DLG2: variants seen among roughly 807,000 people sequenced by gnomAD.
DLG2 encodes the protein disks large homolog 2.
Under a neutral mutation model 132.5 loss-of-function variants are expected in DLG2, and 45 were observed. The observed-to-expected ratio is 0.34, with a 90% confidence interval of 0.27 to 0.44. The LOEUF (loss-of-function observed/expected upper bound fraction) is 0.44, where lower values mean the gene tolerates loss of function less well. Ranked by LOEUF, DLG2 falls within the 20% of genes least tolerant of loss-of-function variation. The pLI is 1.00. For synonymous variants in DLG2, 424 were observed against 419.6 expected (o/e 1.01, Z -0.13); for missense variants, 1,045 against 1,196.9 (o/e 0.87, Z 1.87).
In DLG2 at chr11:84,548,151, A is replaced by G. The variant is rs1412069804; in HGVS notation, c.358-13420T>C. Among the ~76,000 whole-genome samples the G allele has an allele frequency of 2.0e-5, 3 of 152,204 alleles. No individual in the cohort carries two copies. The East Asian group carries it at 5.8e-4, about 29-fold the overall frequency. Reference sequence around the variant, plus strand: ...GGCTTCCTGGAGTAAAAGAGTTGACAGAAAGAAAAACAGTAACATGCAGAG... The same window carrying G: ...GGCTTCCTGGAGTAAAAGAGTTGACGGAAAGAAAAACAGTAACATGCAGAG... On this transcript the variant is annotated intron_variant, in intron 6 of 27. Coordinates refer to ENST00000376104, the MANE Select transcript of DLG2 (RefSeq NM_001142699.3).
At chr11:83,872,460 T>C (rs1313384717) in intron 16 of DLG2, among the ~76,000 whole-genome samples, 2 of 152,216 alleles carry the variant, frequency 1.3e-5, no homozygotes, top group Non-Finnish European at 1.5e-5. Context: ...TAAGGCAAAT[T>C]GCTTTATGCT....
chr11:84,585,371 G>A (rs973634638), intron 6 of DLG2, among the ~76,000 whole-genome samples: 11 of 152,088 alleles, frequency 7.2e-5, no homozygotes, highest in South Asian at 2.1e-4. Flanking sequence ...TTGTTTAGCC[G>A]ATATGCTTAT....
intron 11 of DLG2, among the ~76,000 whole-genome samples, chr11:83,999,868 G>A (rs961155691): frequency 1.3e-5 from 2 of 151,420 alleles, no homozygotes; most frequent in Admixed American, 6.6e-5. Flanking sequence ...CAGGAAAAAA[G>A]TAATCCCCTA....
intron 3 of DLG2, among the ~76,000 whole-genome samples, chr11:85,409,094 T>C (rs1389384557): frequency 6.6e-6 from 1 of 151,974 alleles, no homozygotes; most frequent in Admixed American, 6.6e-5. Flanking sequence ...CAGCAGTTAT[T>C]GGTTAAGACA....
At chr11:85,065,592 G>T (rs1426112966) in intron 6 of DLG2, among the ~76,000 whole-genome samples, 1 of 150,064 alleles carries the variant, frequency 6.7e-6, no homozygotes, top group Non-Finnish European at 1.5e-5. Flanking sequence ...TTAAGTTCTG[G>T]GATAAAATAA....
rs2075636740 is a variant in DLG2 at position 85,237,272 on chromosome 11, G to T, written c.186+47948C>A. ...TATTTGCTAAATGGCAAAAAGGAGG[G>T]TGGAAATTAAAATTGTTTTCTGGTA... On this transcript the variant is annotated intron_variant, in intron 4 of 27. Transcript: ENST00000376104. 1.3e-5 allele frequency among the ~76,000 whole-genome samples: 2 copies of T among 152,058 alleles called. 1 individual carries two copies. Among genetic ancestry groups the T allele is most frequent in the South Asian group, 4.1e-4 (2 of 4,826 alleles).
At chr11:83,485,708 G>C (rs2093456560) in intron 21 of DLG2, among the ~76,000 whole-genome samples, 1 of 152,176 alleles carries the variant, frequency 6.6e-6, no homozygotes, top group South Asian at 2.1e-4. Flanking sequence ...AATGAGTCCT[G>C]TGCCCTTATG....
intron 4 of DLG2, among the ~76,000 whole-genome samples, chr11:85,273,673 C>T (rs537520884): frequency 1.8e-3 from 278 of 152,328 alleles, no homozygotes; most frequent in African/African-American, 6.5e-3. Context: ...TAAACTAGTT[C>T]AACCATTGTG....
chr11:84,187,292 C>G (rs1232806549), intron 8 of DLG2, among the ~76,000 whole-genome samples: 3 of 151,756 alleles, frequency 2.0e-5, no homozygotes, highest in African/African-American at 7.3e-5. Flanking sequence ...TTCCAGATAT[C>G]TAGACTTACA....
intron 11 of DLG2, among the ~76,000 whole-genome samples, chr11:83,985,090 C>A (rs2062208): frequency 0.85 from 129,347 of 152,032 alleles, 55,278 homozygotes; most frequent in East Asian, 1. Context: ...TCTATGAAGA[C>A]AAATGTGGGC....
intron 11 of DLG2, among the ~76,000 whole-genome samples, chr11:84,012,900 C>A (rs1028491324): frequency 1.3e-5 from 2 of 152,154 alleles, no homozygotes; most frequent in South Asian, 2.1e-4. Flanking sequence ...AAGGTGGAAC[C>A]ATTAACATTT....
chr11:83,477,742 G>GTTT (rs35958666), intron 22 of DLG2, among the ~76,000 whole-genome samples: 2 of 150,884 alleles, frequency 1.3e-5, no homozygotes, highest in South Asian at 2.1e-4. Context: ...GAAAAGAGGG[G>GTTT]TTTTTTTTTG....
At chr11:84,662,189 C>CTTT (rs1191006822) in intron 6 of DLG2, among the ~76,000 whole-genome samples, 8 of 120,690 alleles carry the variant, frequency 6.6e-5, no homozygotes, top group South Asian at 2.9e-4. Flanking sequence ...CTTTGTAAAT[C>CTTT]TTTTTTTTTT....
intron 3 of DLG2, among the ~76,000 whole-genome samples, chr11:85,389,240 C>T (rs1174681686): frequency 6.6e-6 from 1 of 152,020 alleles, no homozygotes. Flanking sequence ...TAGAATTGAA[C>T]AAGTAGAAGA....
intron 3 of DLG2, among the ~76,000 whole-genome samples, chr11:85,479,546 A>C (rs564393721): frequency 5.9e-4 from 90 of 152,364 alleles, no homozygotes; most frequent in Middle Eastern, 3.4e-3. Flanking sequence ...ACACTTATGA[A>C]TCAGTATAAA....
At chr11:84,996,685 A>G (rs1006070908) in intron 6 of DLG2, among the ~76,000 whole-genome samples, 6 of 152,188 alleles carry the variant, frequency 3.9e-5, no homozygotes, top group African/African-American at 1.2e-4. Context: ...GGCAAAATAC[A>G]TTAAATGGCA....
intron 7 of DLG2, chr11:84,316,870 A>C: frequency 6.2e-7 from 1 of 1,612,850 alleles, no homozygotes; most frequent in Non-Finnish European, 8.5e-7. Flanking sequence ...AATGCTCCCC[A>C]CAAGTCCCTT....
intron 3 of DLG2, among the ~76,000 whole-genome samples, chr11:85,296,467 C>CTTTTTTTTTT (rs66526147): frequency 8.2e-6 from 1 of 121,554 alleles, no homozygotes; most frequent in Non-Finnish European, 1.7e-5. Context: ...TTTCGATTTT[C>CTTTTTTTTTT]TTTTTTTTTT....
intron 9 of DLG2, among the ~76,000 whole-genome samples, chr11:84,111,591 C>T (rs1339046486): frequency 6.6e-6 from 1 of 152,180 alleles, no homozygotes; most frequent in African/African-American, 2.4e-5. Context: ...AAGGAAGGGT[C>T]AGGTGAAGGG....
Sources: allele counts gnomAD v4.1 joint callset (sites outside exome capture counted in the v4.1 genomes callset), GRCh38; gene constraint gnomAD v4.1.1; transcripts MANE v1.5; gene names NCBI Gene and HGNC (gene_info 2026-07-23, HGNC 2026-07-21).